CD44: variants seen among roughly 807,000 people sequenced by gnomAD.
CD44 encodes the protein CD44 antigen.
CD44 carries 49 observed loss-of-function variants against 88.8 expected under a neutral mutation model. The observed-to-expected ratio is 0.55, with a 90% CI of 0.44 to 0.70. CD44 has a LOEUF of 0.70. CD44 is among the 30% of genes least tolerant of loss of function. The pLI is 0.00. For missense variants in CD44, 883 were observed against 913.8 expected (o/e 0.97, Z 0.43); for synonymous variants, 325 against 312.3 (o/e 1.04, Z -0.43).
At chr11:35,201,880 C>A in intron 9 of CD44, 93 bp downstream of exon 9, 1 of 1,268,198 alleles carries the variant, frequency 7.9e-7, no homozygotes, top group Non-Finnish European at 1.1e-6. Flanking sequence ...TTGGCCGCAT[C>A]TTCTATTTCC....
intron 8 of CD44, 77 bp downstream of exon 8, chr11:35,201,272 G>A (rs531920100): frequency 1.0e-5 from 10 of 1,003,350 alleles, no homozygotes; most frequent in Middle Eastern, 4.1e-4. Context: ...AATCATCGAG[G>A]CACAGTGGGA....
intron 16 of CD44, among the ~76,000 whole-genome samples, chr11:35,221,093 A>AAAT (rs1223827997): frequency 3.9e-5 from 6 of 152,268 alleles, no homozygotes; most frequent in Middle Eastern, 3.4e-3. Context: ...ATATATACCA[A>AAAT]AATGTGATTA....
chr11:35,211,150 G>C, intron 13 of CD44, 96 bp from the exon 14 acceptor site: 2 of 888,046 alleles, frequency 2.3e-6, no homozygotes, highest in East Asian at 4.9e-5. Flanking sequence ...ATAACAAGTG[G>C]AAAGCTTTTG....
chr11:35,201,467 A>G (rs1235710867), intron 8 of CD44, among the ~76,000 whole-genome samples: 1 of 152,216 alleles, frequency 6.6e-6, no homozygotes, highest in East Asian at 1.9e-4. Flanking sequence ...TAGTGGAATA[A>G]TAAGGGAACA....
chr11:35,143,879 T>C (rs1230860633), intron 1 of CD44, among the ~76,000 whole-genome samples: 3 of 152,200 alleles, frequency 2.0e-5, no homozygotes, highest in Non-Finnish European at 4.4e-5. Context: ...GGTGGTTGCT[T>C]GTCTACAGGA....
At chr11:35,187,431 C>G (rs1197054016) in intron 4 of CD44, among the ~76,000 whole-genome samples, 1 of 152,086 alleles carries the variant, frequency 6.6e-6, no homozygotes, top group Non-Finnish European at 1.5e-5. Flanking sequence ...ATTTGAAAAC[C>G]ACTTTCACAT....
At position 35,221,664 on chromosome 11, in the gene CD44, C is replaced by A; in HGVS notation, c.1956C>A (p.Ile652=). 6.2e-7 allele frequency: 1 copy of A among 1,613,942 alleles called. No individual in the cohort carries two copies. The highest frequency in any genetic ancestry group is 1.1e-5 in the South Asian group (1 of 91,062). ...IRTPQIPEWL[I]ILASLLALAL... Reference sequence around the variant, plus strand: ...ATTTACTCATACCAGAATGGCTGATCATCTTGGCATCCCTCTTGGCCTTGG... The same window carrying A: ...ATTTACTCATACCAGAATGGCTGATAATCTTGGCATCCCTCTTGGCCTTGG... Residue 652 remains isoleucine, a synonymous_variant, in exon 17 of 18, where the codon ATC becomes ATA. Coordinates refer to ENST00000428726, the MANE Select transcript of CD44 (RefSeq NM_000610.4).
intron 11 of CD44, among the ~76,000 whole-genome samples, chr11:35,207,798 A>G (rs949358393): frequency 6.6e-6 from 1 of 152,186 alleles, no homozygotes; most frequent in Non-Finnish European, 1.5e-5. Flanking sequence ...AAAAAAGGCA[A>G]TGTTTCTGTC....
intron 1 of CD44, among the ~76,000 whole-genome samples, chr11:35,170,825 A>G (rs1011745509): frequency 2.0e-5 from 3 of 152,224 alleles, no homozygotes; most frequent in Admixed American, 2.0e-4. Context: ...GGTTTGCAGC[A>G]TGGCTAGCAC....
intron 9 of CD44, 128 bp downstream of exon 9, chr11:35,201,915 G>C: frequency 9.8e-7 from 1 of 1,020,580 alleles, no homozygotes; most frequent in East Asian, 2.6e-5. Context: ...TTTATTCTTA[G>C]AGCCTGAAAA....
At chr11:35,210,075 T>C (rs375158677) in intron 13 of CD44, 21 bp downstream of exon 13, 3 of 1,416,276 alleles carry the variant, frequency 2.1e-6, no homozygotes, top group African/African-American at 3.0e-5. Context: ...TAAAACCTAG[T>C]TGGCTTCAGC....
chr11:35,216,124 C>G (rs1245898704), intron 15 of CD44, among the ~76,000 whole-genome samples: 2 of 151,770 alleles, frequency 1.3e-5, no homozygotes, highest in Non-Finnish European at 2.9e-5. Context: ...ATAGCACAGT[C>G]TGGAGAAGGC....
chr11:35,144,309 G>A (rs535134339), intron 1 of CD44, among the ~76,000 whole-genome samples: 8 of 152,298 alleles, frequency 5.3e-5, no homozygotes, highest in East Asian at 1.9e-4. Context: ...TGGTTCTTGC[G>A]AAAGAATGAG....
chr11:35,169,385 A>T lies in CD44; in HGVS notation c.68-7190A>T, dbSNP rs760888699. Among the ~76,000 whole-genome samples the T allele has an allele frequency of 3.0e-4, 45 of 151,380 alleles. 1 individual carries two copies. The highest frequency in any genetic ancestry group is 4.6e-4 in the Non-Finnish European group (31 of 67,938). On this transcript the variant is annotated intron_variant, in intron 1 of 17. Transcript: ENST00000428726. ...GTTGTGTCACAGACTTTGAAAACCA[A>T]TGAAAACCAGAGATGTTGCCCTACC... is the stretch of plus-strand genomic sequence containing the variant.
At chr11:35,180,168 G>T (rs1210638894) in intron 2 of CD44, 106 bp from the exon 3 acceptor site, 1 of 1,131,302 alleles carries the variant, frequency 8.8e-7, no homozygotes, top group Non-Finnish European at 1.3e-6. Context: ...ATCCCTAGGG[G>T]TGAACTGAAT....
intron 1 of CD44, among the ~76,000 whole-genome samples, chr11:35,166,730 C>T (rs541622302): frequency 6.6e-6 from 1 of 152,336 alleles, no homozygotes; most frequent in Admixed American, 6.5e-5. Flanking sequence ...TGATGAATAG[C>T]TCAGTTGAAA....
rs146355294 is a variant in CD44 at position 35,157,537 on chromosome 11, A to G, written c.67+18167A>G. Reference sequence around the variant, plus strand: ...CTATTTATATCTATCATCTATCTATATCTATCATCTTTTAACCTATCTGTT... The same window carrying G: ...CTATTTATATCTATCATCTATCTATGTCTATCATCTTTTAACCTATCTGTT... On this transcript the variant is annotated intron_variant, in intron 1 of 17. Coordinates refer to ENST00000428726, the MANE Select transcript of CD44 (RefSeq NM_000610.4). Among the ~76,000 whole-genome samples, 921 of 152,102 alleles carry G rather than the reference A, an allele frequency of 6.1e-3. 7 individuals carry two copies. Among genetic ancestry groups the G allele is most frequent in the African/African-American group, 0.021 (881 of 41,484 alleles).
chr11:35,181,969 A>AT, intron 3 of CD44, among the ~76,000 whole-genome samples: 2 of 102,802 alleles, frequency 1.9e-5, no homozygotes, highest in Non-Finnish European at 3.7e-5. Flanking sequence ...TTATATATAT[A>AT]AATATTATAT....
At chr11:35,179,065 G>A (rs1469696082) in intron 2 of CD44, among the ~76,000 whole-genome samples, 1 of 152,164 alleles carries the variant, frequency 6.6e-6, no homozygotes, top group Admixed American at 6.5e-5. Context: ...AGCTAAGGAG[G>A]CTTTGGGGAA....
Sources: allele counts gnomAD v4.1 joint callset (sites outside exome capture counted in the v4.1 genomes callset), GRCh38; gene constraint gnomAD v4.1.1; transcripts MANE v1.5; gene names NCBI Gene and HGNC (gene_info 2026-07-23, HGNC 2026-07-21).